The following VPS13A variants were observed in gnomAD, a reference collection of about 807,000 sequenced individuals.
VPS13A encodes intermembrane lipid transfer protein VPS13A.
Under a neutral mutation model 390.9 loss-of-function variants are expected in VPS13A, and 264 were observed. That is an observed-to-expected ratio of 0.68 (90% CI 0.61 to 0.75). The LOEUF is 0.75. VPS13A is among the 30% of genes least tolerant of loss of function. The pLI is 0.00. For missense variants in VPS13A, 3,409 were observed against 3,733.9 expected (o/e 0.91, Z 2.27); for synonymous variants, 1,231 against 1,227.1 (o/e 1.00, Z -0.07).
chr9:77,205,806 G>A (rs1016624733), intron 4 of VPS13A, among the ~76,000 whole-genome samples, 172 bp from the exon 5 acceptor site: 5 of 152,148 alleles, frequency 3.3e-5, no homozygotes, highest in South Asian at 2.1e-4. Context: ...TGGCCAGGCT[G>A]GTTTCGAACT....
At chr9:77,240,007 T>TA (rs34397425) in intron 19 of VPS13A, among the ~76,000 whole-genome samples, 75,073 of 151,672 alleles carry the variant, frequency 0.49, 18,784 homozygotes, top group South Asian at 0.59. Context: ...TTTTTTTACT[T>TA]AAAAATACTT....
chr9:77,282,519 A>T (rs192982631), intron 29 of VPS13A, among the ~76,000 whole-genome samples: 9 of 152,272 alleles, frequency 5.9e-5, no homozygotes, highest in East Asian at 1.9e-4. Context: ...ATTATATAGT[A>T]GGAGTATTAG....
intron 17 of VPS13A, among the ~76,000 whole-genome samples, chr9:77,229,388 TAAC>T (rs1304138961): frequency 2.6e-5 from 4 of 152,160 alleles, no homozygotes; most frequent in Admixed American, 2.6e-4. Flanking sequence ...GAGAATATGT[TAAC>T]AACTCCCAAA....
At chr9:77,230,807 G>A (rs561729864) in intron 17 of VPS13A, among the ~76,000 whole-genome samples, 2 of 152,170 alleles carry the variant, frequency 1.3e-5, no homozygotes, top group East Asian at 1.9e-4. Context: ...TCAATTTTGG[G>A]TGTACTGAAC....
At chr9:77,223,539 C>T (rs922834243) in intron 13 of VPS13A, among the ~76,000 whole-genome samples, 3 of 152,050 alleles carry the variant, frequency 2.0e-5, no homozygotes, top group African/African-American at 7.2e-5. Context: ...GGAGAGTGTT[C>T]TAGTGGTCTA....
chr9:77,242,226 T>C (rs974646711), intron 19 of VPS13A, among the ~76,000 whole-genome samples: 4 of 152,184 alleles, frequency 2.6e-5, no homozygotes, highest in Non-Finnish European at 4.4e-5. Flanking sequence ...TTGGTAGATA[T>C]GAGATATACT....
Position 77,416,133 on chromosome 9 carries a change from CAAAAACAAACAA to C in VPS13A, c.*137_*148del. On this transcript the variant is annotated 3_prime_UTR_variant, in exon 72 of 72. Transcript: ENST00000360280. ...ACCCTGTATTCTGGATGCTAAAAAA[CAAAAACAAACAA>C]AAAAACAAAAACAAAAAAACAAAAC... is the stretch of plus-strand genomic sequence containing the variant. 1 of 1,104,072 alleles carries C rather than the reference CAAAAACAAACAA, an allele frequency of 9.1e-7. No homozygotes were observed. The highest frequency in any genetic ancestry group is 1.3e-6 in the Non-Finnish European group (1 of 755,314). The allele number at this position is 1,104,072 out of a possible 1,614,324, so 68.4% of individuals were successfully genotyped here.
intron 13 of VPS13A, among the ~76,000 whole-genome samples, chr9:77,221,760 A>G (rs534557407): frequency 1.3e-5 from 2 of 152,256 alleles, no homozygotes; most frequent in South Asian, 4.1e-4. Flanking sequence ...TGTACTCTGT[A>G]TATTTAATGC....
At chr9:77,354,047 G>A (rs1296251997) in intron 54 of VPS13A, among the ~76,000 whole-genome samples, 1 of 151,982 alleles carries the variant, frequency 6.6e-6, no homozygotes. Context: ...GATCTAATAA[G>A]ATCTAATAAG....
intron 1 of VPS13A, among the ~76,000 whole-genome samples, chr9:77,193,361 C>T (rs1824796475): frequency 1.3e-5 from 2 of 152,148 alleles, no homozygotes; most frequent in South Asian, 4.1e-4. Flanking sequence ...AGGCTGGGTA[C>T]AGTGGCTCAC....
intron 13 of VPS13A, among the ~76,000 whole-genome samples, chr9:77,222,706 A>G (rs775454824): frequency 3.7e-4 from 56 of 152,176 alleles, no homozygotes; most frequent in Admixed American, 3.3e-4. Context: ...ATGATGATCT[A>G]TGATCAGTGA....
At chr9:77,196,535 A>G (rs1187232510) in intron 1 of VPS13A, among the ~76,000 whole-genome samples, 2 of 152,066 alleles carry the variant, frequency 1.3e-5, no homozygotes, top group Non-Finnish European at 1.5e-5. Flanking sequence ...CACTACTTCT[A>G]TGAGATGTCA....
intron 1 of VPS13A, among the ~76,000 whole-genome samples, chr9:77,180,780 T>C (rs555201475): frequency 2.0e-5 from 3 of 152,376 alleles, no homozygotes; most frequent in African/African-American, 7.2e-5. Context: ...AATCTGTGTG[T>C]CTATCATTTC....
chr9:77,381,131 G>A (rs1833409789), intron 67 of VPS13A, among the ~76,000 whole-genome samples: 1 of 152,114 alleles, frequency 6.6e-6, no homozygotes, highest in Non-Finnish European at 1.5e-5. Flanking sequence ...AGCCGTATGT[G>A]GTATGTGTTT....
Position 77,179,075 on chromosome 9 carries a change from T to G in VPS13A, c.100+1271T>G, listed in dbSNP as rs1039296555. Among the ~76,000 whole-genome samples the G allele has an allele frequency of 4.6e-5, 7 of 152,334 alleles. No individual in the cohort carries two copies. The East Asian group carries it at 5.8e-4, about 13-fold the overall frequency. On this transcript the variant is annotated intron_variant, in intron 1 of 71. Transcript: ENST00000360280. ...AAACTTGCAGTCTGTTTATGCTGCT[T>G]CTTAGTTGCAAAGTGAAAATAAAAT...
In VPS13A at chr9:77,340,282, A is replaced by C; in HGVS notation, c.6879A>C (p.Gln2293His). ...VKCKGLKMDY[Q>H]VGVTIDLSSF... ...GTAAAGGCCTGAAAATGGACTATCA[A>C]GTGAGTTCATTCTATGCTTATCAAG... The change falls in exon 49 of 72, where the codon CAA (glutamine) becomes CAC (histidine). Residue 2293 changes from glutamine to histidine, a missense_variant and splice_region_variant. Transcript: ENST00000360280. 6.2e-7 allele frequency: 1 copy of C among 1,612,030 alleles called. No individual in the cohort carries two copies. Among genetic ancestry groups the C allele is most frequent in the Admixed American group, 1.7e-5 (1 of 60,006 alleles).
At chr9:77,308,750 C>A (rs994290305) in intron 35 of VPS13A, among the ~76,000 whole-genome samples, 1 of 152,114 alleles carries the variant, frequency 6.6e-6, no homozygotes, top group East Asian at 1.9e-4. Context: ...ATAAAGTTCT[C>A]ATTCTGGCAT....
intron 23 of VPS13A, among the ~76,000 whole-genome samples, chr9:77,266,826 A>G (rs1275098117): frequency 2.0e-5 from 3 of 152,132 alleles, no homozygotes; most frequent in Non-Finnish European, 2.9e-5. Flanking sequence ...GTCTTTGCAC[A>G]TAGTCCCATA....
rs1428973515 is a variant in VPS13A at position 77,321,323 on chromosome 9, T to G, written c.5570T>G (p.Val1857Gly). The G allele has an allele frequency of 6.2e-7, 1 of 1,605,084 alleles. No homozygotes were observed. Among genetic ancestry groups the G allele is most frequent in the Non-Finnish European group, 8.5e-7 (1 of 1,173,966 alleles). The change falls in exon 43 of 72, where the codon GTC becomes GGC. Residue 1857 changes from valine (V) to glycine (G), a missense_variant. Val to Gly is a moderately radical substitution (Grantham distance 109). Transcript: ENST00000360280. ...GGTCTTGTAATGTTAAACAATTTAG[T>G]CAAGGTAAGAAAAGAAATTTGAAAC... is the stretch of plus-strand genomic sequence containing the variant. ...KCGLVMLNNLVKAFTEAATGS... is the reference protein window; with the variant it reads ...KCGLVMLNNLGKAFTEAATGS...
Sources: gnomAD v4.1 joint callset for allele counts (sites outside exome capture counted in the v4.1 genomes callset) on GRCh38, gnomAD v4.1.1 for gene constraint, MANE v1.5 for transcripts, NCBI Gene and HGNC (gene_info 2026-07-23, HGNC 2026-07-21) for gene names.